Variants in PSPC1 observed in about 807,000 individuals in gnomAD.
The protein encoded by PSPC1 is paraspeckle component 1, also known as paraspeckle protein 1.
A neutral mutation model predicts 51.6 loss-of-function variants in PSPC1; 14 were observed. The ratio of observed to expected loss-of-function variants is 0.27; its 90% CI spans 0.18 to 0.42. The LOEUF (loss-of-function observed/expected upper bound fraction) is 0.42, where lower values mean the gene tolerates loss of function less well. PSPC1 is among the 10% of genes least tolerant of loss of function. PSPC1 has a pLI of 1.00. For synonymous variants in PSPC1, 193 were observed against 231.9 expected, an observed-to-expected ratio of 0.83 and a Z score of 1.53; for missense variants, 406 against 701.1, an observed-to-expected ratio of 0.58 and a Z score of 4.75.
At position 19,707,007 on chromosome 13, in the gene PSPC1, A is replaced by C. The variant is rs572672254; in HGVS notation, c.1217-1176T>G. 3.3e-5 allele frequency among the ~76,000 whole-genome samples: 5 copies of C among 152,268 alleles called. No homozygotes were observed. In the East Asian group the frequency reaches 7.7e-4, roughly 24 times the overall value. On this transcript the variant is annotated intron_variant, in intron 7 of 8. Coordinates refer to ENST00000338910, the MANE Select transcript of PSPC1 (RefSeq NM_001354909.2). ...ATTTCCGCTCCCTCAGTATAGCCCT[A>C]AATAGCTATTTTTAATAATTTCTAC...
chr13:19,716,098 A>C (rs1882062434), intron 6 of PSPC1, among the ~76,000 whole-genome samples: 1 of 152,248 alleles, frequency 6.6e-6, no homozygotes, highest in Non-Finnish European at 1.5e-5. Context: ...ATGAAACATA[A>C]GTGAATTTCA....
intron 6 of PSPC1, among the ~76,000 whole-genome samples, chr13:19,692,826 T>A (rs1878726719): frequency 6.6e-6 from 1 of 152,160 alleles, no homozygotes; most frequent in Non-Finnish European, 1.5e-5. Flanking sequence ...TCTGAATTAC[T>A]CTTATCTGGA....
intron 1 of PSPC1, among the ~76,000 whole-genome samples, chr13:19,780,921 C>T (rs2083062591): frequency 6.6e-6 from 1 of 152,062 alleles, no homozygotes; most frequent in South Asian, 2.1e-4. Context: ...CTTTGGGAGG[C>T]CAAGGCGGGA....
At chr13:19,781,416 T>C (rs144675590) in intron 1 of PSPC1, among the ~76,000 whole-genome samples, 155 of 152,188 alleles carry the variant, frequency 1.0e-3, no homozygotes, top group African/African-American at 3.6e-3. Context: ...GCATAAATTA[T>C]TGGAAAACTT....
intron 5 of PSPC1, among the ~76,000 whole-genome samples, chr13:19,732,705 T>G (rs1474520882): frequency 6.6e-6 from 1 of 152,054 alleles, no homozygotes; most frequent in African/African-American, 2.4e-5. Context: ...GGCAGGTGAA[T>G]CACCTGAGGT....
At chr13:19,776,786 C>T (rs1008265333) in intron 1 of PSPC1, among the ~76,000 whole-genome samples, 6 of 150,942 alleles carry the variant, frequency 4.0e-5, no homozygotes, top group South Asian at 2.1e-4. Context: ...GGATTACAGG[C>T]GTGAGCCACC....
In PSPC1 at chr13:19,782,401, G is replaced by A. The variant is rs1392017558; in HGVS notation, c.357C>T (p.Phe119=). 14 of 1,589,756 alleles carry A rather than the reference G, an allele frequency of 8.8e-6. No homozygotes were observed. Among genetic ancestry groups the A allele is most frequent in the East Asian group, 2.3e-5 (1 of 42,580 alleles). ...SEVFINRDRG[F]GFIRLESRTL... ...TGACACTCACCAAGCGGATGAAGCCGAAGCCACGGTCCCGGTTGATGAAGA... is the reference window on the plus strand; with the variant it reads ...TGACACTCACCAAGCGGATGAAGCCAAAGCCACGGTCCCGGTTGATGAAGA... The change falls in exon 1 of 9, where the codon TTC becomes TTT. Residue 119 remains phenylalanine, a synonymous_variant. Coordinates refer to ENST00000338910, the MANE Select transcript of PSPC1 (RefSeq NM_001354909.2). This position sits in a 1 kb window ranked among gnomAD's most constrained non-coding sequence, Gnocchi z 4.5.
downstream of PSPC1, among the ~76,000 whole-genome samples, chr13:19,699,998 C>T (rs1399786091): frequency 1.3e-5 from 2 of 151,964 alleles, no homozygotes; most frequent in East Asian, 3.8e-4. Flanking sequence ...ATTTATTTTT[C>T]ACTAATACCA....
intron 4 of PSPC1, among the ~76,000 whole-genome samples, 170 bp downstream of exon 4, chr13:19,751,101 T>C (rs1273762208): frequency 6.6e-6 from 1 of 152,042 alleles, no homozygotes; most frequent in East Asian, 1.9e-4. Context: ...TTGTGTTCTT[T>C]TTTTTAAGGG....
intron 2 of PSPC1, among the ~76,000 whole-genome samples, chr13:19,761,767 A>G (rs1195074967): frequency 3.3e-5 from 5 of 152,190 alleles, no homozygotes; most frequent in South Asian, 2.1e-4. Flanking sequence ...AATGAAGATG[A>G]TGCATTTTAT....
chr13:19,682,435 C>T (rs954544588), intron 6 of PSPC1, among the ~76,000 whole-genome samples: 6 of 137,686 alleles, frequency 4.4e-5, no homozygotes, highest in African/African-American at 8.3e-5. Context: ...TATGGGTGTA[C>T]GGTGATCAAA....
chr13:19,693,257 T>G (rs1179955582), intron 6 of PSPC1, among the ~76,000 whole-genome samples: 1 of 152,216 alleles, frequency 6.6e-6, no homozygotes, highest in East Asian at 1.9e-4. Flanking sequence ...ATCATCTTAG[T>G]GAAATCTTCC....
At chr13:19,726,397 A>G (rs1206396810) in intron 6 of PSPC1, among the ~76,000 whole-genome samples, 1 of 152,222 alleles carries the variant, frequency 6.6e-6, no homozygotes, top group Admixed American at 6.5e-5. Context: ...GACACACTGA[A>G]TCAAAATACT....
intron 8 of PSPC1, among the ~76,000 whole-genome samples, chr13:19,705,232 C>G (rs1437654742): frequency 2.0e-5 from 3 of 152,250 alleles, no homozygotes; most frequent in African/African-American, 7.2e-5. Context: ...CGGTGGCTCA[C>G]GCCTGTAATC....
intron 4 of PSPC1, 71 bp downstream of exon 4, chr13:19,751,200 G>T: frequency 7.9e-7 from 1 of 1,270,260 alleles, no homozygotes; most frequent in Non-Finnish European, 1.0e-6. Flanking sequence ...TTACACAGTA[G>T]TACATGAATG....
intron 6 of PSPC1, among the ~76,000 whole-genome samples, chr13:19,688,798 T>C (rs1221050008): frequency 1.3e-5 from 2 of 152,188 alleles, no homozygotes; most frequent in African/African-American, 4.8e-5. Context: ...AACAATGACA[T>C]AATCTCTTGC....
chr13:19,773,401 T>C (rs1888801736), intron 1 of PSPC1, among the ~76,000 whole-genome samples: 1 of 151,322 alleles, frequency 6.6e-6, no homozygotes. Context: ...AGGTGCCCGC[T>C]ACCACGCCCA....
downstream of PSPC1, among the ~76,000 whole-genome samples, chr13:19,699,036 A>G (rs922121651): frequency 4.6e-5 from 7 of 151,936 alleles, no homozygotes; most frequent in African/African-American, 1.7e-4. Flanking sequence ...ACAGAAAAAA[A>G]GGTCAAATAA....
intron 6 of PSPC1, among the ~76,000 whole-genome samples, chr13:19,723,587 TA>T (rs983792110): frequency 6.6e-6 from 1 of 152,220 alleles, no homozygotes; most frequent in Non-Finnish European, 1.5e-5. Flanking sequence ...TTGAAACTAT[TA>T]AATAATCTTT....
Sources: allele counts gnomAD v4.1 joint callset (sites outside exome capture counted in the v4.1 genomes callset), GRCh38; gene constraint gnomAD v4.1.1; non-coding constraint Gnocchi (gnomAD v3.1); transcripts MANE v1.5; gene names NCBI Gene and HGNC (gene_info 2026-07-23, HGNC 2026-07-21).